Variants in DIPK1A observed in about 807,000 individuals in gnomAD.
The protein encoded by DIPK1A is family with sequence similarity 69 member A.
A neutral mutation model predicts 40.8 loss-of-function variants in DIPK1A; 27 were observed. The ratio of observed to expected loss-of-function variants is 0.66; its 90% confidence interval spans 0.49 to 0.91. DIPK1A has a LOEUF of 0.91. Ranked by LOEUF, DIPK1A falls within the 40% of genes least tolerant of loss-of-function variation. DIPK1A has a pLI of 0.00. For missense variants in DIPK1A, 412 were observed against 505.7 expected (o/e 0.81, Z 1.78); for synonymous variants, 166 against 171.3 (o/e 0.97, Z 0.24).
chr1:92,869,013 T>A (rs997810072), intron 2 of DIPK1A, among the ~76,000 whole-genome samples: 5 of 149,370 alleles, frequency 3.3e-5, no homozygotes, highest in African/African-American at 1.2e-4. Context: ...TACCACAATA[T>A]CCCTAGCACC....
At chr1:92,961,312 G>C (rs1415069) in intron 1 of DIPK1A, 64 bp downstream of exon 1, 1,059,067 of 1,281,802 alleles carry the variant, frequency 0.83, 438,900 homozygotes, top group Non-Finnish European at 0.84. Context: ...CGAGTCCTGC[G>C]CGGCGCGGCA....
chr1:92,880,454 T>C (rs1183877069), intron 1 of DIPK1A, among the ~76,000 whole-genome samples: 1 of 152,204 alleles, frequency 6.6e-6, no homozygotes. Flanking sequence ...TTTTAAAATA[T>C]CGTTTGATTT....
chr1:92,926,659 A>G (rs2100863619), intron 1 of DIPK1A, among the ~76,000 whole-genome samples: 1 of 152,308 alleles, frequency 6.6e-6, no homozygotes, highest in African/African-American at 2.4e-5. Flanking sequence ...TCCATCTGTC[A>G]GTTTTATGGT....
intron 1 of DIPK1A, among the ~76,000 whole-genome samples, chr1:92,901,687 G>A (rs758522015): frequency 2.0e-4 from 31 of 152,078 alleles, no homozygotes; most frequent in Non-Finnish European, 4.1e-4. Context: ...GTGGGACTTG[G>A]AAGTAACTCA....
At chr1:92,893,881 C>A (rs1052668308) in intron 1 of DIPK1A, among the ~76,000 whole-genome samples, 5 of 151,030 alleles carry the variant, frequency 3.3e-5, no homozygotes, top group African/African-American at 1.2e-4. Flanking sequence ...GACTTTAAAC[C>A]AACAAAGATC....
Position 92,843,032 on chromosome 1 carries a change from A to C in DIPK1A, c.*351T>G. The C allele has an allele frequency of 1.0e-6, 1 of 1,003,130 alleles. No homozygotes were observed. Among genetic ancestry groups the C allele is most frequent in the Non-Finnish European group, 1.2e-6 (1 of 841,938 alleles). The allele number at this position is 1,003,130 out of a possible 1,614,324, so 62.1% of individuals were successfully genotyped here. ...GAACAGCAGCTTCAATGCAAACACA[A>C]TGCTTCCAGCATTGGTATTTTGGCT... On this transcript the variant is annotated 3_prime_UTR_variant, in exon 5 of 5. Coordinates refer to ENST00000370310, the MANE Select transcript of DIPK1A (RefSeq NM_001006605.5).
At chr1:92,938,050 C>T (rs571992634) in intron 1 of DIPK1A, among the ~76,000 whole-genome samples, 24 of 152,246 alleles carry the variant, frequency 1.6e-4, no homozygotes, top group African/African-American at 3.9e-4. Flanking sequence ...TAGAAATGAA[C>T]GATTTTCAAG....
chr1:92,891,067 T>G (rs1280181981), intron 1 of DIPK1A, among the ~76,000 whole-genome samples: 2 of 152,162 alleles, frequency 1.3e-5, no homozygotes, highest in African/African-American at 4.8e-5. Context: ...GTCCAAAAAT[T>G]TATCCATTTC....
At chr1:92,900,502 G>C (rs956370988) in intron 1 of DIPK1A, among the ~76,000 whole-genome samples, 1 of 152,094 alleles carries the variant, frequency 6.6e-6, no homozygotes, top group Non-Finnish European at 1.5e-5. Flanking sequence ...GTCATATCAT[G>C]AATTGTTTTC....
intron 4 of DIPK1A, chr1:92,835,080 TAAA>T: frequency 1.0e-6 from 1 of 965,712 alleles, no homozygotes; most frequent in African/African-American, 1.6e-5. Flanking sequence ...CTCTTTCCAA[TAAA>T]ATTTTCTGCA....
At chr1:92,844,511 A>G (rs1687509939) in intron 4 of DIPK1A, among the ~76,000 whole-genome samples, 2 of 152,242 alleles carry the variant, frequency 1.3e-5, no homozygotes, top group South Asian at 4.1e-4. Context: ...TTCATACATT[A>G]AAAAACCACC....
chr1:92,878,688 C>T (rs1273089437), intron 1 of DIPK1A, among the ~76,000 whole-genome samples: 8 of 152,094 alleles, frequency 5.3e-5, no homozygotes, highest in South Asian at 2.1e-4. Flanking sequence ...GGCGAGGTGG[C>T]GGGGGCCTGT....
downstream of DIPK1A, among the ~76,000 whole-genome samples, chr1:92,838,758 T>C (rs1687221328): frequency 6.6e-6 from 1 of 152,206 alleles, no homozygotes; most frequent in Non-Finnish European, 1.5e-5. Context: ...TGAATGACTA[T>C]ATATGAAGTC....
At chr1:92,922,819 C>A (rs897757617) in intron 1 of DIPK1A, among the ~76,000 whole-genome samples, 1 of 152,198 alleles carries the variant, frequency 6.6e-6, no homozygotes, top group Non-Finnish European at 1.5e-5. Context: ...ACAACACTCT[C>A]TAGTCACAAC....
In DIPK1A at chr1:92,842,453, A is replaced by G. The variant is rs192913426; in HGVS notation, c.*930T>C. On this transcript the variant is annotated 3_prime_UTR_variant, in exon 5 of 5. Coordinates refer to ENST00000370310, the MANE Select transcript of DIPK1A (RefSeq NM_001006605.5). ...AATATGAAAGAGGAGCAAATACTAA[A>G]CCTTGTATATCAAGTTTACATGGGG... 1.2e-4 allele frequency: 118 copies of G among 978,248 alleles called. No homozygotes were observed. Among genetic ancestry groups the G allele is most frequent in the Middle Eastern group, 5.2e-4 (1 of 1,906 alleles). The allele number at this position is 978,248 out of a possible 1,614,324, so 60.6% of individuals were successfully genotyped here.
chr1:92,847,156 T>G, intron 4 of DIPK1A, 27 bp downstream of exon 4: 1 of 1,443,624 alleles, frequency 6.9e-7, no homozygotes, highest in Non-Finnish European at 9.2e-7. Flanking sequence ...CACTTCACAC[T>G]AGCAACATAT....
chr1:92,951,120 C>A (rs1269137823), intron 1 of DIPK1A, among the ~76,000 whole-genome samples: 1 of 152,074 alleles, frequency 6.6e-6, no homozygotes, highest in Non-Finnish European at 1.5e-5. Flanking sequence ...TAGAGATTAT[C>A]CTGGATTATC....
chr1:92,916,484 T>C (rs1192394934), intron 1 of DIPK1A, among the ~76,000 whole-genome samples: 2 of 151,972 alleles, frequency 1.3e-5, no homozygotes, highest in Non-Finnish European at 2.9e-5. Flanking sequence ...AGATGTTTAG[T>C]AGAGATGTGG....
chr1:92,840,061 C>T (rs1485095381), downstream of DIPK1A, among the ~76,000 whole-genome samples: 1 of 149,538 alleles, frequency 6.7e-6, no homozygotes, highest in African/African-American at 2.5e-5. Context: ...ATTCTGTCAT[C>T]TAGGCTGGGG....
Sources: allele counts gnomAD v4.1 joint callset (sites outside exome capture counted in the v4.1 genomes callset), GRCh38; gene constraint gnomAD v4.1.1; transcripts MANE v1.5; gene names NCBI Gene and HGNC (gene_info 2026-07-23, HGNC 2026-07-21).